The following NEGR1 variants were observed in gnomAD, a reference collection of about 807,000 sequenced individuals.
NEGR1 encodes the protein IgLON family member 4.
NEGR1 carries 10 observed loss-of-function variants against 40.9 expected under a neutral mutation model. The observed-to-expected ratio is 0.24, with a 90% confidence interval of 0.15 to 0.42. NEGR1 has a LOEUF of 0.42. NEGR1 is among the 10% of genes least tolerant of loss of function. The pLI, the probability that NEGR1 is intolerant of heterozygous loss-of-function variation, is 1.00. For missense variants in NEGR1, 352 were observed against 438.9 expected (o/e 0.80, Z 1.77); for synonymous variants, 185 against 166.8 (o/e 1.11, Z -0.84).
intron 3 of NEGR1, among the ~76,000 whole-genome samples, chr1:71,711,768 C>T (rs1654100632): frequency 1.3e-5 from 2 of 152,226 alleles, no homozygotes; most frequent in African/African-American, 2.4e-5. Flanking sequence ...ATGCTACATT[C>T]ATTTGCCAGT....
chr1:71,497,461 C>A (rs1646971729), intron 6 of NEGR1, among the ~76,000 whole-genome samples: 1 of 151,260 alleles, frequency 6.6e-6, no homozygotes. Flanking sequence ...ATGCTTTTTT[C>A]TAAGACAATT....
intron 6 of NEGR1, chr1:71,468,894 C>T (rs903810617): frequency 4.0e-5 from 6 of 151,892 alleles, no homozygotes; most frequent in Non-Finnish European, 7.4e-5. Context: ...GAACATTGAA[C>T]GTGATATTAA....
At chr1:71,439,051 A>G (rs1027271714) in intron 6 of NEGR1, among the ~76,000 whole-genome samples, 5 of 152,034 alleles carry the variant, frequency 3.3e-5, no homozygotes, top group African/African-American at 1.2e-4. Flanking sequence ...AAGCTCCCCC[A>G]TGATCTTTTC....
At chr1:71,645,123 C>T (rs1347914237) in intron 4 of NEGR1, among the ~76,000 whole-genome samples, 1 of 151,898 alleles carries the variant, frequency 6.6e-6, no homozygotes. Context: ...TGTAAAAAGT[C>T]AGGTTTGCAT....
At chr1:71,783,855 C>T (rs1182776958) in intron 2 of NEGR1, among the ~76,000 whole-genome samples, 1 of 131,594 alleles carries the variant, frequency 7.6e-6, no homozygotes, top group Non-Finnish European at 1.8e-5. Context: ...TCCATCCATC[C>T]ATCCATCCAT....
At chr1:71,415,759 A>G (rs1023405040) in intron 6 of NEGR1, among the ~76,000 whole-genome samples, 22 of 152,182 alleles carry the variant, frequency 1.4e-4, no homozygotes, top group Admixed American at 6.5e-5. Context: ...AGTAATTTAC[A>G]TGAATATATA....
At chr1:71,968,216 G>A (rs1357931051) in intron 1 of NEGR1, among the ~76,000 whole-genome samples, 1 of 152,132 alleles carries the variant, frequency 6.6e-6, no homozygotes, top group Non-Finnish European at 1.5e-5. Context: ...AGGAGACACT[G>A]AAAGGATCCA....
chr1:71,473,639 T>C (rs1325643469), intron 6 of NEGR1, among the ~76,000 whole-genome samples: 1 of 152,116 alleles, frequency 6.6e-6, no homozygotes, highest in Non-Finnish European at 1.5e-5. Flanking sequence ...ATTGAGAACA[T>C]ATATTTTGTA....
chr1:71,970,579 C>T (rs919360662), intron 1 of NEGR1, among the ~76,000 whole-genome samples: 1 of 152,034 alleles, frequency 6.6e-6, no homozygotes, highest in Admixed American at 6.6e-5. Flanking sequence ...GTAGATCCAG[C>T]TCCTCCTTGG....
intron 1 of NEGR1, among the ~76,000 whole-genome samples, chr1:72,130,184 A>G (rs886705216): frequency 3.9e-5 from 6 of 152,186 alleles, no homozygotes; most frequent in Non-Finnish European, 1.5e-5. Context: ...GAAAACACAC[A>G]TAATAGCCTA....
chr1:71,940,634 A>G lies in NEGR1; in HGVS notation c.177-5323T>C, dbSNP rs79334366. On this transcript the variant is annotated intron_variant, in intron 1 of 6. Coordinates refer to ENST00000357731, the MANE Select transcript of NEGR1 (RefSeq NM_173808.3). ...AGGGGCCCCCTTAAAGGATGTTACT[A>G]CGCATTAGGCAGGTCTCTGTTTTGG... 7.0e-3 allele frequency among the ~76,000 whole-genome samples: 1,064 copies of G among 152,222 alleles called. 54 individuals carry two copies. The East Asian group carries it at 0.11, about 16-fold the overall frequency.
intron 3 of NEGR1, among the ~76,000 whole-genome samples, chr1:71,751,599 C>T (rs1264314745): frequency 1.3e-5 from 2 of 152,132 alleles, no homozygotes; most frequent in Admixed American, 1.3e-4. Flanking sequence ...GTTAGTCAAA[C>T]AGTGACTTTT....
intron 1 of NEGR1, among the ~76,000 whole-genome samples, chr1:72,209,347 A>G (rs1653516718): frequency 6.6e-6 from 1 of 151,630 alleles, no homozygotes; most frequent in African/African-American, 2.4e-5. Flanking sequence ...TATCTCCTTG[A>G]TTCACCAAAT....
chr1:71,729,983 G>A (rs186225925), intron 3 of NEGR1, among the ~76,000 whole-genome samples: 156 of 151,844 alleles, frequency 1.0e-3, no homozygotes, highest in Non-Finnish European at 1.7e-3. Context: ...AATAAAAATT[G>A]ATAAAAATTA....
intron 4 of NEGR1, among the ~76,000 whole-genome samples, chr1:71,624,131 G>T (rs551569567): frequency 6.6e-6 from 1 of 151,970 alleles, no homozygotes; most frequent in South Asian, 2.1e-4. Flanking sequence ...ATCCTGCAAA[G>T]CTTATCTGTG....
At chr1:72,209,932 T>A (rs537453958) in intron 1 of NEGR1, among the ~76,000 whole-genome samples, 1 of 152,018 alleles carries the variant, frequency 6.6e-6, no homozygotes, top group South Asian at 2.1e-4. Flanking sequence ...TATTTTCCTA[T>A]GCTAATTAAA....
chr1:72,187,667 G>A (rs1390987809), intron 1 of NEGR1, among the ~76,000 whole-genome samples: 2 of 638 alleles, frequency 3.1e-3, no homozygotes, highest in African/African-American at 3.5e-3. Context: ...TCCAAACCTG[G>A]TATATTTTTT....
At position 71,650,529 on chromosome 1, in the gene NEGR1, CTTA is replaced by C. The variant is rs1489188201; in HGVS notation, c.668-39386_668-39384del. ...ATTTTGAAATGTAGACTGCATTTGTCTTATTATAAACAAACGCTGTGTTTTTAT... is the reference window on the plus strand; with the variant it reads ...ATTTTGAAATGTAGACTGCATTTGTCTTATAAACAAACGCTGTGTTTTTAT... On this transcript the variant is annotated intron_variant, in intron 4 of 6. Transcript: ENST00000357731. 2.0e-5 allele frequency among the ~76,000 whole-genome samples: 3 copies of C among 152,246 alleles called. No homozygotes were observed. The East Asian group carries it at 5.8e-4, about 29-fold the overall frequency.
intron 4 of NEGR1, among the ~76,000 whole-genome samples, chr1:71,697,331 T>C (rs1373142708): frequency 6.6e-6 from 1 of 151,762 alleles, no homozygotes; most frequent in Non-Finnish European, 1.5e-5. Context: ...GGGGAGATTT[T>C]TGAAAAGTAA....
Sources: allele counts gnomAD v4.1 joint callset (sites outside exome capture counted in the v4.1 genomes callset), GRCh38; gene constraint gnomAD v4.1.1; transcripts MANE v1.5; gene names NCBI Gene and HGNC (gene_info 2026-07-23, HGNC 2026-07-21).